MRPL37: variants seen among roughly 807,000 people sequenced by gnomAD.
MRPL37 encodes the protein large ribosomal subunit protein mL37.
In MRPL37, 34 loss-of-function variants were observed where a neutral mutation model predicts 44.1. The observed-to-expected ratio is 0.77, with a 90% confidence interval of 0.59 to 1.03. The LOEUF (loss-of-function observed/expected upper bound fraction) is 1.03. Among genes scored for constraint, MRPL37 ranks in the 50% least tolerant of loss-of-function variants. The pLI is 0.00. For missense variants in MRPL37, 532 were observed against 543.7 expected (o/e 0.98, Z 0.21); for synonymous variants, 212 against 219.5 (o/e 0.97, Z 0.30).
intron 3 of MRPL37, among the ~76,000 whole-genome samples, chr1:54,208,931 G>T (rs1644144082): frequency 6.6e-6 from 1 of 152,082 alleles, no homozygotes; most frequent in African/African-American, 2.4e-5. Flanking sequence ...ACAGTACACA[G>T]GACATTCCCT....
intron 4 of MRPL37, among the ~76,000 whole-genome samples, 164 bp from the exon 5 acceptor site, chr1:54,212,337 A>C (rs1459649728): frequency 6.6e-6 from 1 of 152,254 alleles, no homozygotes; most frequent in Admixed American, 6.5e-5. Context: ...AGATTTGGCC[A>C]GCAAGCTGAA....
intron 4 of MRPL37, among the ~76,000 whole-genome samples, chr1:54,211,600 C>T (rs1409708117): frequency 6.6e-6 from 1 of 152,072 alleles, no homozygotes; most frequent in Non-Finnish European, 1.5e-5. Context: ...TCAAGCAATC[C>T]TCCTACCTCA....
chr1:54,214,304 G>A (rs902841366), intron 5 of MRPL37, among the ~76,000 whole-genome samples: 2 of 152,190 alleles, frequency 1.3e-5, no homozygotes, highest in Non-Finnish European at 2.9e-5. Context: ...TCATTTTATA[G>A]ATGGTGAAAC....
chr1:54,200,419 C>A lies in MRPL37; in HGVS notation c.176C>A (p.Thr59Asn), dbSNP rs1242781427. 1.2e-6 allele frequency: 2 copies of A among 1,614,246 alleles called. No individual in the cohort carries two copies. Among genetic ancestry groups the A allele is most frequent in the Non-Finnish European group, 1.7e-6 (2 of 1,180,048 alleles). Residue 59 changes from threonine (T) to asparagine (N), a missense_variant, in exon 1 of 7, where the codon ACC becomes AAC. Transcript: ENST00000360840. ...VYEIPGLEPI[T>N]FAGKMHFVPW... is the part of the protein sequence containing the mutation. ...GAGATCCCTGGACTGGAGCCCATCACCTTTGCGGGGAAGATGCACTTCGTG... is the reference window on the plus strand; with the variant it reads ...GAGATCCCTGGACTGGAGCCCATCAACTTTGCGGGGAAGATGCACTTCGTG...
downstream of MRPL37, among the ~76,000 whole-genome samples, chr1:54,221,328 C>T (rs1279231293): frequency 6.6e-6 from 1 of 152,186 alleles, no homozygotes; most frequent in East Asian, 1.9e-4. Flanking sequence ...TCCCTGGTTC[C>T]TCTTTTGCTG....
Position 54,212,659 on chromosome 1 carries a change from G to T in MRPL37, c.990+1G>T, listed in dbSNP as rs1308598467. ...GGCTCAGGCCCGGCTCCTCTATGGG[G>T]TATGTAGGTGGAGAAGACCACTGAG... On this transcript the variant is annotated splice_donor_variant, in intron 5 of 6. Coordinates refer to ENST00000360840, the MANE Select transcript of MRPL37 (RefSeq NM_016491.4). LOFTEE classifies it high-confidence loss of function. The T allele has an allele frequency of 6.2e-7, 1 of 1,614,196 alleles. No homozygotes were observed. Among genetic ancestry groups the T allele is most frequent in the Admixed American group, 1.7e-5 (1 of 60,028 alleles).
chr1:54,213,806 G>A (rs1006725815), intron 5 of MRPL37, among the ~76,000 whole-genome samples: 4 of 152,226 alleles, frequency 2.6e-5, no homozygotes, highest in Non-Finnish European at 5.9e-5. Flanking sequence ...CCAGCACTTT[G>A]GGAAGCCGAG....
chr1:54,205,467 T>A, intron 3 of MRPL37, 57 bp downstream of exon 3: 1 of 1,396,074 alleles, frequency 7.2e-7, no homozygotes, highest in Non-Finnish European at 1.0e-6. Context: ...TTTCTACTCT[T>A]AACCCCACCA....
At chr1:54,220,256 C>T (rs371416337), downstream of MRPL37, among the ~76,000 whole-genome samples, 8 of 152,152 alleles carry the variant, frequency 5.3e-5, no homozygotes, top group East Asian at 5.8e-4. Context: ...GAGCCCTGAG[C>T]GAGTGGGACG....
chr1:54,212,326 C>T (rs945462996), intron 4 of MRPL37, among the ~76,000 whole-genome samples, 175 bp from the exon 5 acceptor site: 2 of 152,160 alleles, frequency 1.3e-5, no homozygotes, highest in African/African-American at 4.8e-5. Flanking sequence ...GGTAGCAGGC[C>T]AGATTTGGCC....
rs374733630 is a variant in MRPL37, at chr1:54,212,599, G to A, written c.931G>A (p.Ala311Thr). ...PHRLQPDQLRAKMILFAFGSA... is the reference protein window; with the variant it reads ...PHRLQPDQLRTKMILFAFGSA... Reference sequence around the variant, plus strand: ...CCGCCTTCAACCAGATCAGCTGCGGGCCAAGATGATCCTGTTTGCTTTTGG... The same window carrying A: ...CCGCCTTCAACCAGATCAGCTGCGGACCAAGATGATCCTGTTTGCTTTTGG... The change falls in exon 5 of 7, where the codon GCC becomes ACC. Residue 311 changes from alanine to threonine, a missense_variant. Transcript: ENST00000360840. 1.9e-6 allele frequency: 3 copies of A among 1,614,106 alleles called. No individual in the cohort carries two copies. The highest frequency in any genetic ancestry group is 2.5e-6 in the Non-Finnish European group (3 of 1,180,046).
chr1:54,201,825 A>C (rs903002185), intron 1 of MRPL37, among the ~76,000 whole-genome samples: 2 of 152,160 alleles, frequency 1.3e-5, no homozygotes, highest in African/African-American at 4.8e-5. Flanking sequence ...GTAGATGGTG[A>C]CTTTCAGTAA....
At chr1:54,223,702 C>G (rs1452767698), downstream of MRPL37, among the ~76,000 whole-genome samples, 1 of 152,202 alleles carries the variant, frequency 6.6e-6, no homozygotes, top group South Asian at 2.1e-4. Flanking sequence ...AGCGATGACT[C>G]CAGCAGGAAA....
At chr1:54,205,782 C>T (rs35093468) in intron 3 of MRPL37, among the ~76,000 whole-genome samples, 6 of 152,212 alleles carry the variant, frequency 3.9e-5, no homozygotes, top group East Asian at 1.9e-4. Flanking sequence ...ACACCTCTCT[C>T]GTCTTCCAAA....
At chr1:54,202,253 C>T (rs189890289) in intron 1 of MRPL37, among the ~76,000 whole-genome samples, 65 of 152,244 alleles carry the variant, frequency 4.3e-4, no homozygotes, top group African/African-American at 1.4e-3. Flanking sequence ...CCTCCTGCCT[C>T]GGCCTCCCAA....
At position 54,200,465 on chromosome 1, in the gene MRPL37, C is replaced by A. The variant is rs775903492; in HGVS notation, c.222C>A (p.Ile74=). 32 of 1,614,144 alleles carry A rather than the reference C, an allele frequency of 2.0e-5. No homozygotes were observed. Among genetic ancestry groups the A allele is most frequent in the Non-Finnish European group, 2.6e-5 (31 of 1,180,058 alleles). ...TCGTGCCCTGGCTGGCGCGGCCGAT[C>A]TTTCCGCCCTGGGACCGCGGCTACA... ...MHFVPWLARP[I]FPPWDRGYKD... is the part of the protein sequence containing the mutation. Residue 74 remains isoleucine (I), a synonymous_variant, in exon 1 of 7, where the codon ATC becomes ATA. Coordinates refer to ENST00000360840, the MANE Select transcript of MRPL37 (RefSeq NM_016491.4).
downstream of MRPL37, among the ~76,000 whole-genome samples, chr1:54,218,657 G>A (rs1275878275): frequency 6.6e-6 from 1 of 152,190 alleles, no homozygotes. Context: ...TATTTAAATT[G>A]TGGACACATT....
At chr1:54,210,482 A>T (rs981049946) in intron 4 of MRPL37, among the ~76,000 whole-genome samples, 1 of 151,830 alleles carries the variant, frequency 6.6e-6, no homozygotes. Context: ...TTCTTTATTC[A>T]TAGGTCCCAT....
At chr1:54,201,926 C>T (rs1346982803) in intron 1 of MRPL37, among the ~76,000 whole-genome samples, 4 of 151,824 alleles carry the variant, frequency 2.6e-5, no homozygotes, top group South Asian at 2.1e-4. Context: ...GGAACAGTGG[C>T]GGTGTCAGAG....
Sources: gnomAD v4.1 joint callset for allele counts (sites outside exome capture counted in the v4.1 genomes callset) on GRCh38, gnomAD v4.1.1 for gene constraint, MANE v1.5 for transcripts, NCBI Gene and HGNC (gene_info 2026-07-23, HGNC 2026-07-21) for gene names.